Variants in PPM1L observed in about 807,000 individuals in gnomAD.
The protein encoded by PPM1L is protein phosphatase, Mg2+/Mn2+ dependent 1L.
In PPM1L, 13 loss-of-function variants were observed where a neutral mutation model predicts 31.4. That is an observed-to-expected ratio of 0.41 (90% CI 0.27 to 0.66). PPM1L has a LOEUF of 0.66. Ranked by LOEUF, PPM1L falls within the 30% of genes least tolerant of loss-of-function variation. The pLI, the probability that PPM1L is intolerant of heterozygous loss-of-function variation, is 0.29. For missense variants in PPM1L, 326 were observed against 453.7 expected (o/e 0.72, Z 2.56); for synonymous variants, 184 against 175.4 (o/e 1.05, Z -0.39).
At chr3:160,793,323 T>A (rs1460688740) in intron 1 of PPM1L, among the ~76,000 whole-genome samples, 1 of 152,162 alleles carries the variant, frequency 6.6e-6, no homozygotes, top group African/African-American at 2.4e-5. Flanking sequence ...AATAGAATCA[T>A]GGAGTTGGAT....
intron 1 of PPM1L, among the ~76,000 whole-genome samples, chr3:160,878,287 A>C (rs927175503): frequency 6.6e-5 from 10 of 152,174 alleles, no homozygotes; most frequent in Non-Finnish European, 1.5e-4. Context: ...CAGGGTTGGT[A>C]TATCAGTCCA....
chr3:160,984,245 C>A (rs1331984883), intron 2 of PPM1L, among the ~76,000 whole-genome samples: 1 of 152,154 alleles, frequency 6.6e-6, no homozygotes, highest in East Asian at 1.9e-4. Context: ...GGAATGCATT[C>A]TTTTTCCAGG....
intron 2 of PPM1L, among the ~76,000 whole-genome samples, chr3:161,017,449 C>G (rs1195535334): frequency 6.6e-6 from 1 of 152,106 alleles, no homozygotes; most frequent in Non-Finnish European, 1.5e-5. Flanking sequence ...AAAACTTATC[C>G]AAAAACCTTC....
chr3:160,810,808 C>T (rs1712781984), intron 1 of PPM1L, among the ~76,000 whole-genome samples: 1 of 152,180 alleles, frequency 6.6e-6, no homozygotes, highest in African/African-American at 2.4e-5. Flanking sequence ...CCTCATTATG[C>T]TCTCTCATGT....
rs757453078 is a variant in PPM1L, at chr3:161,065,498, G to A, written c.670G>A (p.Ala224Thr). 3.7e-6 allele frequency: 6 copies of A among 1,614,038 alleles called. No individual in the cohort carries two copies. Among genetic ancestry groups the A allele is most frequent in the East Asian group, 2.2e-5 (1 of 44,880 alleles). Residue 224 changes from alanine to threonine, a missense_variant, in exon 3 of 4, where the codon GCT becomes ACT. Physicochemically the swap from Ala to Thr is moderately conservative, Grantham distance 58. This residue lies in a region of PPM1L where 201 missense variants were observed against 298.2 expected (regional missense o/e 0.67). Coordinates refer to ENST00000498165, the MANE Select transcript of PPM1L (RefSeq NM_139245.4). ...RGVLCDKDGN[A>T]IPLSHDHKPY... is the part of the protein sequence containing the mutation. ...GGTCCTGTGTGACAAAGATGGGAAC[G>A]CTATTCCTTTGTCTCATGATCACAA... is the stretch of plus-strand genomic sequence containing the variant.
intron 1 of PPM1L, among the ~76,000 whole-genome samples, chr3:160,927,319 G>A (rs371569926): frequency 1.3e-5 from 2 of 152,184 alleles, no homozygotes; most frequent in Non-Finnish European, 2.9e-5. Flanking sequence ...GTTGTCTGGT[G>A]TGATATGATG....
intron 2 of PPM1L, among the ~76,000 whole-genome samples, chr3:161,059,397 A>G (rs559083916): frequency 6.6e-6 from 1 of 152,174 alleles, no homozygotes; most frequent in East Asian, 1.9e-4. Context: ...TCAGGGTGTA[A>G]AGTGTATTTT....
intron 1 of PPM1L, among the ~76,000 whole-genome samples, chr3:160,862,662 GCACA>G (rs6148164): frequency 0.042 from 5,389 of 127,136 alleles, 104 homozygotes; most frequent in Non-Finnish European, 0.049. Context: ...CTAGGCACAC[GCACA>G]CACACACACA....
intron 3 of PPM1L, among the ~76,000 whole-genome samples, chr3:161,068,575 A>G: frequency 6.6e-6 from 1 of 152,026 alleles, no homozygotes; most frequent in Non-Finnish European, 1.5e-5. Flanking sequence ...CACCTTCAGT[A>G]CTCTTATTGA....
chr3:160,983,395 A>G (rs923334278), intron 2 of PPM1L, among the ~76,000 whole-genome samples: 1 of 151,992 alleles, frequency 6.6e-6, no homozygotes, highest in African/African-American at 2.4e-5. Flanking sequence ...CTTGTCTAAA[A>G]ATAGTTGCCT....
At chr3:160,835,518 TCACATC>T (rs1318567753) in intron 1 of PPM1L, among the ~76,000 whole-genome samples, 1 of 152,134 alleles carries the variant, frequency 6.6e-6, no homozygotes, top group Non-Finnish European at 1.5e-5. Flanking sequence ...TCAGCTGCCC[TCACATC>T]TATAGCTTTT....
intron 2 of PPM1L, among the ~76,000 whole-genome samples, chr3:161,059,499 T>G (rs556024996): frequency 6.6e-6 from 1 of 152,192 alleles, no homozygotes; most frequent in Non-Finnish European, 1.5e-5. Flanking sequence ...AGCAAGACTT[T>G]AGAAGCTTAG....
chr3:160,925,374 A>G (rs1245160271), intron 1 of PPM1L, among the ~76,000 whole-genome samples: 1 of 152,202 alleles, frequency 6.6e-6, no homozygotes, highest in African/African-American at 2.4e-5. Context: ...TAAATGGTAA[A>G]TAGATGGAAA....
intron 1 of PPM1L, among the ~76,000 whole-genome samples, chr3:160,918,198 C>T (rs1014559473): frequency 2.0e-5 from 3 of 152,148 alleles, no homozygotes; most frequent in Admixed American, 6.5e-5. Flanking sequence ...CTCTTCTTTC[C>T]GATGAGACTG....
At chr3:161,064,948 T>C (rs951616055) in intron 2 of PPM1L, among the ~76,000 whole-genome samples, 3 of 151,970 alleles carry the variant, frequency 2.0e-5, no homozygotes, top group African/African-American at 7.3e-5. Context: ...ATGCTCCACA[T>C]GATTCAGCTG....
intron 1 of PPM1L, among the ~76,000 whole-genome samples, chr3:160,897,170 G>A (rs1177302645): frequency 6.6e-6 from 1 of 151,334 alleles, no homozygotes; most frequent in Non-Finnish European, 1.5e-5. Flanking sequence ...AGCCTCCCGA[G>A]CAGCCAGGAT....
chr3:161,013,740 C>G (rs989938516), intron 2 of PPM1L, among the ~76,000 whole-genome samples: 1 of 152,094 alleles, frequency 6.6e-6, no homozygotes, highest in African/African-American at 2.4e-5. Context: ...TAGGATAGTT[C>G]GGTCTTCTTG....
intron 1 of PPM1L, among the ~76,000 whole-genome samples, chr3:160,882,641 T>C (rs1712763661): frequency 6.6e-6 from 1 of 152,212 alleles, no homozygotes; most frequent in Non-Finnish European, 1.5e-5. Flanking sequence ...TTTACAGATA[T>C]GAGGGTTAGG....
At chr3:160,872,544 A>G (rs1028577635) in intron 1 of PPM1L, among the ~76,000 whole-genome samples, 2 of 152,228 alleles carry the variant, frequency 1.3e-5, no homozygotes, top group Non-Finnish European at 2.9e-5. Context: ...ACAAACCAGA[A>G]TTAAATTTTG....
Sources: allele counts gnomAD v4.1 joint callset (sites outside exome capture counted in the v4.1 genomes callset), GRCh38; gene constraint gnomAD v4.1.1; regional missense constraint gnomAD v4.1.1; transcripts MANE v1.5; gene names NCBI Gene and HGNC (gene_info 2026-07-23, HGNC 2026-07-21).